WNT3A: variants seen among roughly 807,000 people sequenced by gnomAD.
WNT3A encodes the protein protein Wnt-3a.
WNT3A carries 17 observed loss-of-function variants against 37.0 expected under a neutral mutation model. That is an observed-to-expected ratio of 0.46 (90% CI 0.31 to 0.69). The LOEUF is 0.69. Among genes scored for constraint, WNT3A ranks in the 30% least tolerant of loss-of-function variants. The pLI is 0.05. For missense variants in WNT3A, 411 were observed against 510.2 expected (o/e 0.81, Z 1.87); for synonymous variants, 187 against 211.0 (o/e 0.89, Z 0.99).
In WNT3A at chr1:228,007,337, G is replaced by C. The variant is rs2030227860; in HGVS notation, c.71+138G>C. 1 of 828,000 alleles carries C rather than the reference G, an allele frequency of 1.2e-6. No homozygotes were observed. Among genetic ancestry groups the C allele is most frequent in the African/African-American group, 1.8e-5 (1 of 54,238 alleles). The allele number at this position is 828,000 out of a possible 1,614,324, so 51.3% of individuals were successfully genotyped here. A position where few individuals can be genotyped will look rare whatever the true frequency, so the allele number is the denominator to read the frequency against. ...CCCGCGTGCGGGCCGCGGGCGGTTG[G>C]TTTTCCTTGACGGCCACTTTGGACC... On this transcript the variant is annotated intron_variant, in intron 1 of 3. Coordinates refer to ENST00000284523, the MANE Select transcript of WNT3A (RefSeq NM_033131.4). This position sits in a 1 kb window ranked among gnomAD's most constrained non-coding sequence, Gnocchi z 6.0.
At chr1:228,045,187 A>T (rs556768280) in intron 2 of WNT3A, among the ~76,000 whole-genome samples, 1 of 152,288 alleles carries the variant, frequency 6.6e-6, no homozygotes, top group South Asian at 2.1e-4. Context: ...GCAGGGCATG[A>T]GTGAGGCACA....
intron 2 of WNT3A, among the ~76,000 whole-genome samples, chr1:228,033,763 A>C (rs61004386): frequency 0.015 from 2,225 of 152,238 alleles, 60 homozygotes; most frequent in African/African-American, 0.049. Context: ...TGTTCTACTA[A>C]TATTATGTCT....
chr1:228,033,645 A>G (rs987145477), intron 2 of WNT3A, among the ~76,000 whole-genome samples: 5 of 152,210 alleles, frequency 3.3e-5, no homozygotes, highest in African/African-American at 1.2e-4. Flanking sequence ...GGCTATTTGG[A>G]GACAATTACA....
chr1:228,017,515 C>T (rs1221377806), intron 1 of WNT3A, among the ~76,000 whole-genome samples: 2 of 152,084 alleles, frequency 1.3e-5, no homozygotes, highest in Non-Finnish European at 2.9e-5. Context: ...GAGTTCAAGA[C>T]CAGCCTGGGC....
At position 228,050,770 on chromosome 1, in the gene WNT3A, A is replaced by G; in HGVS notation, c.428A>G (p.Gln143Arg). ...AAICGCSSRH[Q>R]GSPGKGWKWG... ...ATCTGTGGCTGCAGCAGCCGCCACCAGGGCTCACCAGGCAAGGGCTGGAAG... is the reference window on the plus strand; with the variant it reads ...ATCTGTGGCTGCAGCAGCCGCCACCGGGGCTCACCAGGCAAGGGCTGGAAG... The change falls in exon 3 of 4, where the codon CAG becomes CGG. Residue 143 changes from glutamine to arginine, a missense_variant. By Grantham distance (43) the Gln-to-Arg change is conservative. Transcript: ENST00000284523. The surrounding 1 kb of genome is among the most constrained non-coding windows in gnomAD (Gnocchi z 5.0). 1 of 1,614,004 alleles carries G rather than the reference A, an allele frequency of 6.2e-7. No individual in the cohort carries two copies. Among genetic ancestry groups the G allele is most frequent in the Non-Finnish European group, 8.5e-7 (1 of 1,180,020 alleles).
chr1:228,059,833 T>A lies in WNT3A; in HGVS notation c.*368T>A. The stretch of plus-strand genomic sequence containing the variant: ...CCTGCGGGGGCGAGGCCCCTCCCAG[T>A]AAGGGCGTGGCTCTGGGTGGGCGGG... On this transcript the variant is annotated 3_prime_UTR_variant, in exon 4 of 4. Transcript: ENST00000284523. 9.4e-7 allele frequency: 1 copy of A among 1,064,710 alleles called. No individual in the cohort carries two copies. The highest frequency in any genetic ancestry group is 1.1e-6 in the Non-Finnish European group (1 of 881,266). The allele number at this position is 1,064,710 out of a possible 1,614,324, so 66.0% of individuals were successfully genotyped here. A position where few individuals can be genotyped will look rare whatever the true frequency, so the allele number is the denominator to read the frequency against.
Position 228,050,857 on chromosome 1 carries a change from C to G in WNT3A, c.515C>G (p.Ala172Gly). ...ATGGTGTCTCGGGAGTTCGCCGACG[C>G]CCGGGAGAACCGGCCAGATGCCCGC... Reference protein sequence around the residue: ...GGMVSREFADARENRPDARSA... With the variant: ...GGMVSREFADGRENRPDARSA... Residue 172 changes from alanine to glycine, a missense_variant, in exon 3 of 4, where the codon GCC becomes GGC. Physicochemically the swap from Ala to Gly is moderately conservative, Grantham distance 60 (BLOSUM62 0). Transcript: ENST00000284523. The surrounding 1 kb of genome is among the most constrained non-coding windows in gnomAD (Gnocchi z 5.0). 2 of 1,592,856 alleles carry G rather than the reference C, an allele frequency of 1.3e-6. No individual in the cohort carries two copies. The highest frequency in any genetic ancestry group is 8.6e-7 in the Non-Finnish European group (1 of 1,167,362).
chr1:228,037,479 C>G lies in WNT3A; in HGVS notation c.314-13177C>G, dbSNP rs1462792999. ...CCTCCTCTCCTCCCCGCTGAGCCCC[C>G]AGGAGCCCCTCGGGGGTGGTCCGCC... On this transcript the variant is annotated intron_variant, in intron 2 of 3. Coordinates refer to ENST00000284523, the MANE Select transcript of WNT3A (RefSeq NM_033131.4). This position sits in a 1 kb window ranked among gnomAD's most constrained non-coding sequence, Gnocchi z 4.1. Among the ~76,000 whole-genome samples, 1 of 152,080 alleles carries G rather than the reference C, an allele frequency of 6.6e-6. No homozygotes were observed. The highest frequency in any genetic ancestry group is 2.4e-5 in the African/African-American group (1 of 41,400).
chr1:228,017,266 C>G (rs2030562262), intron 1 of WNT3A, among the ~76,000 whole-genome samples: 2 of 151,966 alleles, frequency 1.3e-5, no homozygotes, highest in African/African-American at 4.8e-5. Context: ...CAGGTGGAGG[C>G]CAGGTAAGGG....
intron 2 of WNT3A, among the ~76,000 whole-genome samples, chr1:228,046,965 C>T (rs1571811531): frequency 1.3e-5 from 2 of 152,248 alleles, no homozygotes; most frequent in East Asian, 3.9e-4. Flanking sequence ...GAGGCTGGGG[C>T]CTCCTAGGGG....
At chr1:228,023,830 T>C (rs1386445234) in intron 2 of WNT3A, among the ~76,000 whole-genome samples, 5 of 152,190 alleles carry the variant, frequency 3.3e-5, no homozygotes, top group African/African-American at 1.2e-4. Context: ...CCCGTTCTTC[T>C]CCCTTCCATA....
At chr1:228,051,955 G>T (rs1180334894) in intron 3 of WNT3A, among the ~76,000 whole-genome samples, 1 of 152,114 alleles carries the variant, frequency 6.6e-6, no homozygotes, top group African/African-American at 2.4e-5. Flanking sequence ...CATTCATGAG[G>T]GATCTGCCCC....
At chr1:228,028,607 A>C (rs1043885939) in intron 2 of WNT3A, among the ~76,000 whole-genome samples, 2 of 152,152 alleles carry the variant, frequency 1.3e-5, no homozygotes, top group African/African-American at 4.8e-5. Flanking sequence ...TACAGGCTTA[A>C]GCAACCACAC....
chr1:228,027,757 T>G (rs777622780), intron 2 of WNT3A, among the ~76,000 whole-genome samples: 2 of 152,266 alleles, frequency 1.3e-5, no homozygotes, highest in Non-Finnish European at 2.9e-5. Flanking sequence ...TCTTTCTGTG[T>G]GCAGAAGCTT....
chr1:228,029,641 AC>A (rs2030948368), intron 2 of WNT3A, among the ~76,000 whole-genome samples: 1 of 151,574 alleles, frequency 6.6e-6, no homozygotes, highest in Non-Finnish European at 1.5e-5. Context: ...ATAACGGACA[AC>A]CCCAGTTCTC....
chr1:228,042,887 G>C lies in WNT3A; in HGVS notation c.314-7769G>C, dbSNP rs1270081686. 6.6e-6 allele frequency among the ~76,000 whole-genome samples: 1 copy of C among 151,812 alleles called. No individual in the cohort carries two copies. The highest frequency in any genetic ancestry group is 1.5e-5 in the Non-Finnish European group (1 of 67,926). On this transcript the variant is annotated intron_variant, in intron 2 of 3. Coordinates refer to ENST00000284523, the MANE Select transcript of WNT3A (RefSeq NM_033131.4). The surrounding 1 kb of genome is among the most constrained non-coding windows in gnomAD (Gnocchi z 5.2). ...TGGATGGATAGATGGGTGGTGGATG[G>C]TGGATGATTGTACATGATGGATAGT...
Position 228,020,543 on chromosome 1 carries a change from AAGAG to A in WNT3A, c.72-2119_72-2116del, listed in dbSNP as rs139554252. Among the ~76,000 whole-genome samples the A allele has an allele frequency of 4.6e-5, 7 of 152,242 alleles. No homozygotes were observed. The East Asian group carries it at 1.4e-3, about 29-fold the overall frequency. Reference sequence around the variant, plus strand: ...TCATCCAGTTGCCGGGACTCAAAGGAAGAGAGAGGATGAGGAAGGAGACATGGAA... The same window carrying A: ...TCATCCAGTTGCCGGGACTCAAAGGAAGAGGATGAGGAAGGAGACATGGAA... On this transcript the variant is annotated intron_variant, in intron 1 of 3. Coordinates refer to ENST00000284523, the MANE Select transcript of WNT3A (RefSeq NM_033131.4).
In WNT3A at chr1:228,042,785, TGATGGATAGATGTGGATGATG is replaced by T. The variant is rs2031317772; in HGVS notation, c.314-7863_314-7843del. On this transcript the variant is annotated intron_variant, in intron 2 of 3. Coordinates refer to ENST00000284523, the MANE Select transcript of WNT3A (RefSeq NM_033131.4). The surrounding 1 kb of genome is among the most constrained non-coding windows in gnomAD (Gnocchi z 5.2). Reference sequence around the variant, plus strand: ...TGGTGGATGATGGATGATAGATGGATGATGGATAGATGTGGATGATGGATGGATGGATAATGGATGATGGAT... The same window carrying T: ...TGGTGGATGATGGATGATAGATGGATGATGGATGGATAATGGATGATGGAT... 6.6e-6 allele frequency among the ~76,000 whole-genome samples: 1 copy of T among 151,198 alleles called. No individual in the cohort carries two copies. The highest frequency in any genetic ancestry group is 2.1e-4 in the South Asian group (1 of 4,786).
Position 228,059,961 on chromosome 1 carries a change from G to C in WNT3A, c.*496G>C. The C allele has an allele frequency of 9.1e-6, 10 of 1,103,844 alleles. No homozygotes were observed. The highest frequency in any genetic ancestry group is 1.1e-5 in the Non-Finnish European group (10 of 895,930). The allele number at this position is 1,103,844 out of a possible 1,614,324, so 68.4% of individuals were successfully genotyped here. A position where few individuals can be genotyped will look rare whatever the true frequency, so the allele number is the denominator to read the frequency against. On this transcript the variant is annotated 3_prime_UTR_variant, in exon 4 of 4. Transcript: ENST00000284523. ...GTAGGCTGCTCCCTGAGGGCGGAGC[G>C]CCTCCTTAGGAGTGGGGTTTTATGG...
Sources: gnomAD v4.1 joint callset for allele counts (sites outside exome capture counted in the v4.1 genomes callset) on GRCh38, gnomAD v4.1.1 for gene constraint, Gnocchi (gnomAD v3.1) non-coding constraint, MANE v1.5 for transcripts, NCBI Gene and HGNC (gene_info 2026-07-23, HGNC 2026-07-21) for gene names.